The following PDE11A variants were observed in gnomAD, a reference collection of about 807,000 sequenced individuals.
PDE11A encodes dual 3',5'-cyclic-AMP and -GMP phosphodiesterase 11A.
In PDE11A, 100 loss-of-function variants were observed where a neutral mutation model predicts 100.5. That is an observed-to-expected ratio of 1.00 (90% confidence interval 0.85 to 1.18). The LOEUF is 1.18. PDE11A is among the 50% of genes most tolerant of loss of function. The pLI, the probability that PDE11A is intolerant of heterozygous loss-of-function variation, is 0.00. For missense variants in PDE11A, 1,141 were observed against 1,152.6 expected, an observed-to-expected ratio of 0.99 and a Z score of 0.15; for synonymous variants, 381 against 420.8, an observed-to-expected ratio of 0.91 and a Z score of 1.16.
chr2:177,716,848 C>G (rs1278068429), intron 12 of PDE11A, among the ~76,000 whole-genome samples: 1 of 152,108 alleles, frequency 6.6e-6, no homozygotes, highest in Non-Finnish European at 1.5e-5. Flanking sequence ...CAAATGCCAT[C>G]TAATAGATTT....
intron 2 of PDE11A, chr2:177,998,691 G>C: frequency 8.8e-7 from 1 of 1,140,784 alleles, no homozygotes; most frequent in South Asian, 1.2e-5. Flanking sequence ...CACTTGATAG[G>C]CATCTTTATG....
chr2:177,675,283 G>A (rs1255796129), intron 17 of PDE11A, among the ~76,000 whole-genome samples, 172 bp downstream of exon 17: 1 of 146,702 alleles, frequency 6.8e-6, no homozygotes, highest in East Asian at 2.0e-4. Context: ...AAAAAGGGCT[G>A]TGCAATAAAC....
rs778584662 is a variant in PDE11A at position 178,072,410 on chromosome 2, C to T, written c.28G>A (p.Glu10Lys). Residue 10 changes from glutamate (E) to lysine (K), a missense_variant, in exon 1 of 20, where the codon GAG (glutamate) becomes AAG (lysine). Coordinates refer to ENST00000286063, the MANE Select transcript of PDE11A (RefSeq NM_016953.4). ...TGCCTGTCCAGGAAAGTTTCCACCT[C>T]CCCAAAGTCCAGGCGGGAGGCTGCC... Reference protein sequence around the residue: MAASRLDFGEVETFLDRHPE... With the variant: MAASRLDFGKVETFLDRHPE... 18 of 1,613,478 alleles carry T rather than the reference C, an allele frequency of 1.1e-5. No individual in the cohort carries two copies. The highest frequency in any genetic ancestry group is 5.0e-5 in the Admixed American group (3 of 60,006).
intron 9 of PDE11A, among the ~76,000 whole-genome samples, chr2:177,803,287 C>T (rs2082819344): frequency 6.6e-6 from 1 of 150,934 alleles, no homozygotes; most frequent in Non-Finnish European, 1.5e-5. Flanking sequence ...GAGATTATGT[C>T]ACTTATAAAA....
intron 6 of PDE11A, among the ~76,000 whole-genome samples, chr2:177,825,890 G>T (rs1288187898): frequency 6.6e-6 from 1 of 152,108 alleles, no homozygotes; most frequent in Admixed American, 6.6e-5. Context: ...TCATCTTTGT[G>T]CTTTTTCTTG....
intron 2 of PDE11A, chr2:177,921,915 A>G (rs989449755): frequency 1.3e-5 from 2 of 152,232 alleles, no homozygotes; most frequent in Non-Finnish European, 2.9e-5. Flanking sequence ...ACATCCCAAG[A>G]ATGTCTGTGG....
At chr2:177,716,085 G>C (rs188511181) in intron 12 of PDE11A, among the ~76,000 whole-genome samples, 56 of 152,342 alleles carry the variant, frequency 3.7e-4, no homozygotes, top group African/African-American at 1.3e-3. Flanking sequence ...AACTGTAGCT[G>C]TCCACCTGTG....
chr2:178,002,327 T>C (rs1189537186), intron 2 of PDE11A, among the ~76,000 whole-genome samples: 1 of 152,202 alleles, frequency 6.6e-6, no homozygotes, highest in African/African-American at 2.4e-5. Context: ...TTCATGGGCA[T>C]CTAGGTTGAT....
intron 9 of PDE11A, among the ~76,000 whole-genome samples, chr2:177,810,240 C>T (rs1215860095): frequency 1.3e-5 from 2 of 152,246 alleles, no homozygotes; most frequent in African/African-American, 4.8e-5. Flanking sequence ...TCATGGCAGA[C>T]AAAATGATTA....
intron 9 of PDE11A, among the ~76,000 whole-genome samples, chr2:177,771,248 C>T (rs77062028): frequency 0.082 from 12,494 of 152,294 alleles, 740 homozygotes; most frequent in East Asian, 0.21. Context: ...AAGTAACATG[C>T]TTTATTTCAT....
chr2:177,728,240 TC>T, intron 10 of PDE11A, 68 bp from the exon 11 acceptor site: 1 of 1,392,546 alleles, frequency 7.2e-7, no homozygotes, highest in South Asian at 1.2e-5. Flanking sequence ...CCTGCTCTCC[TC>T]CCCTGCTTAT....
chr2:178,031,287 C>A (rs2086544178), intron 1 of PDE11A, among the ~76,000 whole-genome samples: 1 of 152,088 alleles, frequency 6.6e-6, no homozygotes, highest in South Asian at 2.1e-4. Flanking sequence ...GACAAAGAGA[C>A]CTGTTATAAT....
At chr2:177,682,757 T>C (rs2080883676) in intron 15 of PDE11A, among the ~76,000 whole-genome samples, 1 of 152,222 alleles carries the variant, frequency 6.6e-6, no homozygotes, top group Non-Finnish European at 1.5e-5. Context: ...TGAGAAATGC[T>C]GCCCTTAATA....
intron 19 of PDE11A, among the ~76,000 whole-genome samples, chr2:177,644,443 T>G (rs1274578273): frequency 1.3e-5 from 2 of 152,244 alleles, no homozygotes; most frequent in African/African-American, 2.4e-5. Flanking sequence ...AGCCCCTTTG[T>G]TTTGGCCAAT....
At chr2:177,687,938 C>T (rs2080978594) in intron 15 of PDE11A, 1 of 152,174 alleles carries the variant, frequency 6.6e-6, no homozygotes. Flanking sequence ...TGGTATTTGC[C>T]AGCTGATGAT....
intron 6 of PDE11A, among the ~76,000 whole-genome samples, chr2:177,832,181 CT>C (rs2083321224): frequency 6.6e-6 from 1 of 152,188 alleles, no homozygotes; most frequent in Admixed American, 6.5e-5. Flanking sequence ...ATGGTTAATA[CT>C]GAGTGTTAAC....
intron 2 of PDE11A, among the ~76,000 whole-genome samples, chr2:177,994,078 C>A (rs1373605292): frequency 6.6e-6 from 1 of 151,898 alleles, no homozygotes; most frequent in East Asian, 1.9e-4. Context: ...CTACAGGCAC[C>A]CACCACCACA....
chr2:177,651,631 T>G (rs565777505), intron 19 of PDE11A, among the ~76,000 whole-genome samples: 7 of 152,296 alleles, frequency 4.6e-5, no homozygotes, highest in African/African-American at 1.7e-4. Flanking sequence ...TAGGTCTTTT[T>G]TTTTCTCCCT....
At chr2:177,849,799 A>AC (rs398105014) in intron 5 of PDE11A, among the ~76,000 whole-genome samples, 1 of 150,716 alleles carries the variant, frequency 6.6e-6, no homozygotes, top group Non-Finnish European at 1.5e-5. Flanking sequence ...CAAAAAAAAA[A>AC]CAAAAAAACC....
Sources: gnomAD v4.1 joint callset for allele counts (sites outside exome capture counted in the v4.1 genomes callset) on GRCh38, gnomAD v4.1.1 for gene constraint, MANE v1.5 for transcripts, NCBI Gene and HGNC (gene_info 2026-07-23, HGNC 2026-07-21) for gene names.